The following MOK variants were observed in gnomAD, a reference collection of about 807,000 sequenced individuals.
MOK encodes the protein MOK protein kinase, also known as MAPK/MAK/MRK overlapping kinase.
MOK carries 59 observed loss-of-function variants against 54.2 expected under a neutral mutation model. The ratio of observed to expected loss-of-function variants is 1.09; its 90% CI spans 0.88 to 1.35. The LOEUF is 1.35. Among genes scored for constraint, MOK ranks in the 40% most tolerant of loss-of-function variants. MOK has a pLI of 0.00. For synonymous variants in MOK, 210 were observed against 202.7 expected, an observed-to-expected ratio of 1.04 and a Z score of -0.31; for missense variants, 517 against 526.2, an observed-to-expected ratio of 0.98 and a Z score of 0.17.
At chr14:102,288,689 G>A (rs552392294) in intron 1 of MOK, among the ~76,000 whole-genome samples, 2 of 152,144 alleles carry the variant, frequency 1.3e-5, no homozygotes, top group African/African-American at 4.8e-5. Context: ...ATGAGTGAAC[G>A]TTATAGTATG....
chr14:102,265,932 GGAT>G lies in MOK; in HGVS notation c.123-23_123-21del. 1 of 1,569,792 alleles carries G rather than the reference GGAT, an allele frequency of 6.4e-7. No homozygotes were observed. Among genetic ancestry groups the G allele is most frequent in the African/African-American group, 1.3e-5 (1 of 74,110 alleles). On this transcript the variant is annotated intron_variant, in intron 2 of 11. Coordinates refer to ENST00000361847, the MANE Select transcript of MOK (RefSeq NM_014226.3). ...TCAATACTATCGTGTAGGTAAAAAT[GGAT>G]AGCTCATTCACAGTTTAGGTCAACT...
downstream of MOK, chr14:102,223,742 G>C (rs540493951): frequency 6.6e-6 from 1 of 152,282 alleles, no homozygotes; most frequent in South Asian, 2.1e-4. Flanking sequence ...GGTTGGTATG[G>C]AATTGTTTTG....
intron 2 of MOK, chr14:102,277,389 G>GA (rs987131283): frequency 1.3e-5 from 2 of 152,226 alleles, no homozygotes; most frequent in Non-Finnish European, 2.9e-5. Context: ...TTGGGAGGCT[G>GA]AAGCGGGTGG....
At chr14:102,282,869 G>A (rs185799018) in intron 2 of MOK, among the ~76,000 whole-genome samples, 180 of 152,104 alleles carry the variant, frequency 1.2e-3, no homozygotes, top group Non-Finnish European at 2.1e-3. Flanking sequence ...CCTGGCCAAC[G>A]TGGTGAAACC....
chr14:102,235,687 G>C lies in MOK; in HGVS notation c.591-1898C>G, dbSNP rs1185718554. 1 of 152,216 alleles carries C rather than the reference G, an allele frequency of 6.6e-6. No individual in the cohort carries two copies. The highest frequency in any genetic ancestry group is 2.4e-5 in the African/African-American group (1 of 41,444). 9.4% of individuals were successfully genotyped at this position (152,216 alleles called of 1,614,324 possible). ...TGCCCAATTCCTTTCTCGCCTTACA[G>C]AGACTCTCCAAAAATACACGCGTGT... On this transcript the variant is annotated intron_variant, in intron 7 of 11. Coordinates refer to ENST00000361847, the MANE Select transcript of MOK (RefSeq NM_014226.3). This position sits in a 1 kb window ranked among gnomAD's most constrained non-coding sequence, Gnocchi z 4.4.
chr14:102,247,816 C>CA (rs2066207626), intron 7 of MOK, among the ~76,000 whole-genome samples: 1 of 152,172 alleles, frequency 6.6e-6, no homozygotes, highest in Admixed American at 6.5e-5. Context: ...GGACCGAGCA[C>CA]AAAAAATTAA....
chr14:102,221,475 C>T (rs1257120455), downstream of MOK, among the ~76,000 whole-genome samples: 1 of 152,206 alleles, frequency 6.6e-6, no homozygotes, highest in Non-Finnish European at 1.5e-5. This position sits in a 1 kb window ranked among gnomAD's most constrained non-coding sequence, Gnocchi z 4.8. Context: ...CTTTCCTCCA[C>T]AGGCTTGATG....
chr14:102,267,666 C>A (rs2068026238), intron 2 of MOK, among the ~76,000 whole-genome samples: 1 of 152,102 alleles, frequency 6.6e-6, no homozygotes, highest in Non-Finnish European at 1.5e-5. Flanking sequence ...AACAGAATAG[C>A]CTGAAGAGCC....
intron 4 of MOK, among the ~76,000 whole-genome samples, chr14:102,252,619 A>C (rs1051182880): frequency 6.6e-6 from 1 of 152,198 alleles, no homozygotes; most frequent in Non-Finnish European, 1.5e-5. Flanking sequence ...AGAATTGTCA[A>C]ATCTGGGGAA....
At chr14:102,287,626 C>T (rs975165271) in intron 1 of MOK, among the ~76,000 whole-genome samples, 2 of 152,066 alleles carry the variant, frequency 1.3e-5, no homozygotes, top group Non-Finnish European at 2.9e-5. Flanking sequence ...TGAAATGATG[C>T]TCAACATCAT....
At chr14:102,283,316 G>GT in intron 2 of MOK, 162 bp downstream of exon 2, 1 of 521,038 alleles carries the variant, frequency 1.9e-6, no homozygotes, top group Non-Finnish European at 3.4e-6. Flanking sequence ...GTAAACTCCA[G>GT]TATGATAAAC....
intron 7 of MOK, among the ~76,000 whole-genome samples, chr14:102,242,043 T>C (rs1030192260): frequency 6.6e-6 from 1 of 152,216 alleles, no homozygotes; most frequent in Non-Finnish European, 1.5e-5. Context: ...TCCCTGGAAC[T>C]CTGGCCCAAG....
intron 1 of MOK, among the ~76,000 whole-genome samples, chr14:102,301,343 A>C (rs1287740696): frequency 1.3e-5 from 2 of 152,190 alleles, no homozygotes; most frequent in African/African-American, 4.8e-5. Flanking sequence ...CCGGTTCCAA[A>C]GCCCACGCTC....
intron 2 of MOK, among the ~76,000 whole-genome samples, chr14:102,267,560 C>T (rs2068017622): frequency 1.3e-5 from 2 of 152,072 alleles, no homozygotes; most frequent in African/African-American, 4.8e-5. Flanking sequence ...AGTGAGACTC[C>T]ATCTCAAAAA....
chr14:102,286,158 G>C (rs972758110), intron 1 of MOK, among the ~76,000 whole-genome samples: 1 of 151,548 alleles, frequency 6.6e-6, no homozygotes, highest in African/African-American at 2.4e-5. Flanking sequence ...AATTAGCCGG[G>C]CGTGGTGGCG....
At chr14:102,215,895 G>A in the MOK span, among the ~76,000 whole-genome samples, 1 of 152,140 alleles carries the variant, frequency 6.6e-6, no homozygotes, top group South Asian at 2.1e-4. Flanking sequence ...TCTGAGCAGC[G>A]CCCTGGCACC....
downstream of MOK, among the ~76,000 whole-genome samples, chr14:102,226,901 C>G (rs1009497881): frequency 6.6e-6 from 1 of 152,170 alleles, no homozygotes; most frequent in African/African-American, 2.4e-5. The surrounding 1 kb of genome is among the most constrained non-coding windows in gnomAD (Gnocchi z 4.8). Flanking sequence ...GGCCCAGCTG[C>G]CCTGGGCCCT....
chr14:102,272,586 T>C (rs1489731659), intron 2 of MOK, among the ~76,000 whole-genome samples: 1 of 152,068 alleles, frequency 6.6e-6, no homozygotes, highest in South Asian at 2.1e-4. Context: ...AAGTGGGGAA[T>C]CCCAGCTATA....
chr14:102,228,553 A>T (rs1024374157), downstream of MOK, among the ~76,000 whole-genome samples: 1 of 152,064 alleles, frequency 6.6e-6, no homozygotes, highest in African/African-American at 2.4e-5. Context: ...CAAAAAAATC[A>T]GCCGGGCGTG....
Sources: allele counts gnomAD v4.1 joint callset (sites outside exome capture counted in the v4.1 genomes callset), GRCh38; gene constraint gnomAD v4.1.1; non-coding constraint Gnocchi (gnomAD v3.1); transcripts MANE v1.5; gene names NCBI Gene and HGNC (gene_info 2026-07-23, HGNC 2026-07-21).